The following CMC1 variants were observed in gnomAD, a reference collection of about 807,000 sequenced individuals.
The protein encoded by CMC1 is COX assembly mitochondrial protein homolog.
A neutral mutation model predicts 14.1 loss-of-function variants in CMC1; 14 were observed. That is an observed-to-expected ratio of 0.99 (90% CI 0.66 to 1.55). The LOEUF is 1.55. CMC1 is among the 40% of genes most tolerant of loss of function. The pLI is 0.00. For synonymous variants in CMC1, 50 were observed against 38.4 expected (o/e 1.30, Z -1.12); for missense variants, 127 against 123.8 (o/e 1.03, Z -0.12).
chr3:28,308,776 T>C (rs964925882), intron 2 of CMC1, among the ~76,000 whole-genome samples: 1 of 151,914 alleles, frequency 6.6e-6, no homozygotes, highest in Non-Finnish European at 1.5e-5. Flanking sequence ...CAAGGTCAGG[T>C]GATCGAGACC....
chr3:28,309,495 A>G (rs1179452619), intron 2 of CMC1, among the ~76,000 whole-genome samples: 1 of 152,104 alleles, frequency 6.6e-6, no homozygotes, highest in Non-Finnish European at 1.5e-5. Context: ...TATTACACTC[A>G]TAAATAACTA....
chr3:28,273,652 C>G (rs1700412868), intron 2 of CMC1, among the ~76,000 whole-genome samples: 1 of 151,988 alleles, frequency 6.6e-6, no homozygotes, highest in Non-Finnish European at 1.5e-5. Flanking sequence ...TCCTGAATAT[C>G]TTTGTTAATT....
At chr3:28,288,224 G>T (rs552798874) in intron 2 of CMC1, among the ~76,000 whole-genome samples, 1 of 152,006 alleles carries the variant, frequency 6.6e-6, no homozygotes, top group African/African-American at 2.4e-5. Context: ...TTTATTAAAA[G>T]ATATTTTGGA....
intron 1 of CMC1, among the ~76,000 whole-genome samples, chr3:28,256,186 C>T (rs190728270): frequency 1.9e-4 from 29 of 149,358 alleles, no homozygotes; most frequent in African/African-American, 5.7e-4. Flanking sequence ...CACACATATG[C>T]ATATATGTGT....
intron 2 of CMC1, among the ~76,000 whole-genome samples, chr3:28,302,965 A>G (rs1030040660): frequency 6.6e-6 from 1 of 152,226 alleles, no homozygotes; most frequent in Non-Finnish European, 1.5e-5. Flanking sequence ...GTAATTACAG[A>G]TAACGTTTCT....
intron 2 of CMC1, 74 bp downstream of exon 2, chr3:28,263,454 G>A (rs1699838625): frequency 1.1e-6 from 1 of 931,790 alleles, no homozygotes; most frequent in Admixed American, 2.7e-5. Flanking sequence ...CTTAGCCCCA[G>A]AATCAAGTAG....
chr3:28,258,856 C>T (rs13085477), intron 1 of CMC1, among the ~76,000 whole-genome samples: 31,756 of 151,752 alleles, frequency 0.21, 3,512 homozygotes, highest in Admixed American at 0.27. Context: ...ATTTCCTGAC[C>T]TCGTGATCCG....
chr3:28,249,399 A>G (rs1699010359), intron 1 of CMC1, among the ~76,000 whole-genome samples: 1 of 152,222 alleles, frequency 6.6e-6, no homozygotes, highest in South Asian at 2.1e-4. Context: ...ACTCTTTTAA[A>G]TATACGTGTC....
intron 2 of CMC1, among the ~76,000 whole-genome samples, chr3:28,288,122 T>C (rs1270955189): frequency 3.3e-5 from 5 of 152,230 alleles, no homozygotes; most frequent in South Asian, 4.1e-4. Context: ...CTGGTATTGA[T>C]ATATGAATCT....
At chr3:28,302,448 G>A (rs181824289) in intron 2 of CMC1, among the ~76,000 whole-genome samples, 7 of 152,248 alleles carry the variant, frequency 4.6e-5, no homozygotes, top group African/African-American at 1.7e-4. Context: ...TGTGTTTGGG[G>A]AGACTTAGGG....
intron 2 of CMC1, chr3:28,291,976 CTAAG>C (rs1701491637): frequency 6.6e-6 from 1 of 151,994 alleles, no homozygotes; most frequent in African/African-American, 2.4e-5. Flanking sequence ...TTTTTTTATA[CTAAG>C]TGTTTTTGTT....
intron 1 of CMC1, among the ~76,000 whole-genome samples, chr3:28,254,824 G>A (rs1045474353): frequency 6.6e-6 from 1 of 152,122 alleles, no homozygotes; most frequent in Non-Finnish European, 1.5e-5. Flanking sequence ...TTGTAATTTT[G>A]TATAATCCAA....
intron 1 of CMC1, among the ~76,000 whole-genome samples, chr3:28,255,446 A>T (rs557966041): frequency 6.6e-6 from 1 of 151,672 alleles, no homozygotes; most frequent in African/African-American, 2.4e-5. Context: ...GAGTTTCATC[A>T]TATTGGCCAG....
At chr3:28,265,346 G>A (rs1426604270) in intron 2 of CMC1, among the ~76,000 whole-genome samples, 1 of 151,934 alleles carries the variant, frequency 6.6e-6, no homozygotes, top group Non-Finnish European at 1.5e-5. Flanking sequence ...TATAAATTAG[G>A]AAATCATATA....
intron 2 of CMC1, among the ~76,000 whole-genome samples, chr3:28,304,059 T>TA (rs994824753): frequency 2.0e-5 from 3 of 152,058 alleles, no homozygotes; most frequent in Non-Finnish European, 2.9e-5. Flanking sequence ...TATAAGGAAC[T>TA]AAAAATGTCT....
At chr3:28,266,884 T>C (rs1198675055) in intron 2 of CMC1, among the ~76,000 whole-genome samples, 1 of 152,206 alleles carries the variant, frequency 6.6e-6, no homozygotes, top group Non-Finnish European at 1.5e-5. Context: ...TGAAGTATAC[T>C]GGTAGATATT....
intron 2 of CMC1, among the ~76,000 whole-genome samples, chr3:28,308,153 A>C (rs1182006783): frequency 6.6e-6 from 1 of 152,184 alleles, no homozygotes; most frequent in African/African-American, 2.4e-5. Context: ...TGTGTATCTT[A>C]ACATATTCAT....
At chr3:28,295,789 C>T (rs1701711141) in intron 2 of CMC1, among the ~76,000 whole-genome samples, 1 of 152,060 alleles carries the variant, frequency 6.6e-6, no homozygotes, top group Non-Finnish European at 1.5e-5. Context: ...GCCCGTCCTT[C>T]TCCAGGAAGC....
At chr3:28,267,670 G>A (rs1341106102) in intron 2 of CMC1, among the ~76,000 whole-genome samples, 1 of 152,170 alleles carries the variant, frequency 6.6e-6, no homozygotes, top group Non-Finnish European at 1.5e-5. Flanking sequence ...TAACAAAGAA[G>A]CTTGATAAAA....
Sources: allele counts gnomAD v4.1 joint callset (sites outside exome capture counted in the v4.1 genomes callset), GRCh38; gene constraint gnomAD v4.1.1; transcripts MANE v1.5; gene names NCBI Gene and HGNC (gene_info 2026-07-23, HGNC 2026-07-21).